The following KCNK12 variants were observed in gnomAD, a reference collection of about 807,000 sequenced individuals.
KCNK12 encodes potassium two pore domain channel subfamily K member 12, also known as potassium channel subfamily K member 12.
In KCNK12, 6 loss-of-function variants were observed where a neutral mutation model predicts 25.3. That is an observed-to-expected ratio of 0.24 (90% CI 0.13 to 0.47). KCNK12 has a LOEUF of 0.47. KCNK12 is among the 20% of genes least tolerant of loss of function. The pLI, the probability that KCNK12 is intolerant of heterozygous loss-of-function variation, is 0.99. For missense variants in KCNK12, 444 were observed against 661.7 expected (o/e 0.67, Z 3.61); for synonymous variants, 331 against 311.1 (o/e 1.06, Z -0.67).
At chr2:47,549,789 C>T (rs962116385) in intron 1 of KCNK12, among the ~76,000 whole-genome samples, 3 of 152,022 alleles carry the variant, frequency 2.0e-5, no homozygotes, top group African/African-American at 7.3e-5. Context: ...CAAAAATTAG[C>T]CAGGCGCAGT....
In KCNK12 at chr2:47,551,881, A is replaced by T. The variant is rs1203450169; in HGVS notation, c.391+18060T>A. Among the ~76,000 whole-genome samples, 1 of 152,214 alleles carries T rather than the reference A, an allele frequency of 6.6e-6. No individual in the cohort carries two copies. The highest frequency in any genetic ancestry group is 2.4e-5 in the African/African-American group (1 of 41,460). The stretch of plus-strand genomic sequence containing the variant: ...GGCATTACAGAGAAAGCCTGGAAAC[A>T]TTACAAGGGAGTAGAGCCAGGGCCT... On this transcript the variant is annotated intron_variant, in intron 1 of 1. Coordinates refer to ENST00000327876, the MANE Select transcript of KCNK12 (RefSeq NM_022055.2). The surrounding 1 kb of genome is among the most constrained non-coding windows in gnomAD (Gnocchi z 5.3).
rs1668758479 is a variant in KCNK12, at chr2:47,525,851, A to G, written c.392-4043T>C. Among the ~76,000 whole-genome samples, 1 of 152,092 alleles carries G rather than the reference A, an allele frequency of 6.6e-6. No homozygotes were observed. ...AGGACCCATAAATAGATGCCGTGAA[A>G]GCACATATGCCTGTTCTAACAGGGA... On this transcript the variant is annotated intron_variant, in intron 1 of 1. Transcript: ENST00000327876. This position sits in a 1 kb window ranked among gnomAD's most constrained non-coding sequence, Gnocchi z 4.1.
rs774455471 is a variant in KCNK12 at position 47,521,516 on chromosome 2, G to T, written c.684C>A (p.Ser228=). Residue 228 remains serine, a synonymous_variant, in exon 2 of 2, where the codon TCC becomes TCA. Coordinates refer to ENST00000327876, the MANE Select transcript of KCNK12 (RefSeq NM_022055.2). ...LILGLFAVLL[S]CCASAMYTSV... ...TGGTGTACATGGCCGAGGCGCAGCA[G>T]GACAGCAGCACGGCGAACAGGCCCA... is the stretch of plus-strand genomic sequence containing the variant. 1.3e-6 allele frequency: 2 copies of T among 1,584,424 alleles called. No homozygotes were observed. The highest frequency in any genetic ancestry group is 4.7e-5 in the East Asian group (2 of 42,996).
chr2:47,520,840 G>C lies in KCNK12; in HGVS notation c.*67C>G, dbSNP rs964543854. On this transcript the variant is annotated 3_prime_UTR_variant, in exon 2 of 2. Transcript: ENST00000327876. The surrounding 1 kb of genome is among the most constrained non-coding windows in gnomAD (Gnocchi z 5.0). ...TTAAGAAAGCGCCAGCAGTGACTGA[G>C]AGAAGCAAACCACGCCCGGCGGCCC... 7.3e-6 allele frequency: 8 copies of C among 1,098,410 alleles called. No homozygotes were observed. The African/African-American group carries it at 1.3e-4, about 18-fold the overall frequency. The allele number at this position is 1,098,410 out of a possible 1,614,324, so 68.0% of individuals were successfully genotyped here. A position where few individuals can be genotyped will look rare whatever the true frequency, so the allele number is the denominator to read the frequency against.
chr2:47,531,412 G>T (rs1668925029), intron 1 of KCNK12, among the ~76,000 whole-genome samples: 1 of 152,052 alleles, frequency 6.6e-6, no homozygotes, highest in Admixed American at 6.5e-5. Flanking sequence ...GGTCAAGGCT[G>T]CAGTGAGCCA....
chr2:47,569,882 G>C lies in KCNK12; in HGVS notation c.391+59C>G, dbSNP rs1284331264. On this transcript the variant is annotated intron_variant, in intron 1 of 1. Coordinates refer to ENST00000327876, the MANE Select transcript of KCNK12 (RefSeq NM_022055.2). This position sits in a 1 kb window ranked among gnomAD's most constrained non-coding sequence, Gnocchi z 4.1. ...ACGCGGACCGAGCGGCCGAGCAGTG[G>C]AAAGGGCGGCAGGTGAAAGGCACAG... 1.9e-5 allele frequency: 24 copies of C among 1,267,444 alleles called. No homozygotes were observed. Among genetic ancestry groups the C allele is most frequent in the Non-Finnish European group, 2.4e-5 (24 of 991,688 alleles). The allele number at this position is 1,267,444 out of a possible 1,614,324, so 78.5% of individuals were successfully genotyped here.
At position 47,570,253 on chromosome 2, in the gene KCNK12, A is replaced by G. The variant is rs544771897; in HGVS notation, c.79T>C (p.Cys27Arg). Reference protein sequence around the residue: ...LPRPSCCCCCCRRSHLNEDTG... With the variant: ...LPRPSCCCCCRRRSHLNEDTG... The stretch of plus-strand genomic sequence containing the variant: ...TCCTCGTTGAGGTGCGAACGGCGGC[A>G]GCAGCAGCAGCAGCAGGAGGGGCGC... Residue 27 changes from cysteine to arginine, a missense_variant, in exon 1 of 2, where the codon TGC becomes CGC. By Grantham distance (180) the Cys-to-Arg change is radical. Transcript: ENST00000327876. 51 of 1,392,560 alleles carry G rather than the reference A, an allele frequency of 3.7e-5. 1 individual carries two copies. The East Asian group carries it at 5.7e-4, about 15-fold the overall frequency. The allele number at this position is 1,392,560 out of a possible 1,614,324, so 86.3% of individuals were successfully genotyped here.
rs767679641 is a variant in KCNK12 at position 47,511,546 on chromosome 2, C to T, written c.*9361G>A. Among the ~76,000 whole-genome samples the T allele has an allele frequency of 2.0e-5, 3 of 152,146 alleles. No homozygotes were observed. The highest frequency in any genetic ancestry group is 4.8e-5 in the African/African-American group (2 of 41,430). On this transcript the variant is annotated 3_prime_UTR_variant, in exon 2 of 2. Coordinates refer to ENST00000327876, the MANE Select transcript of KCNK12 (RefSeq NM_022055.2). This position sits in a 1 kb window ranked among gnomAD's most constrained non-coding sequence, Gnocchi z 4.3. ...GATGCCCACAGTGCATGACGTTACC[C>T]GCACAGGTGTGACATCACAGGGTAA...
chr2:47,531,510 G>C (rs538642240), intron 1 of KCNK12, among the ~76,000 whole-genome samples: 1 of 151,834 alleles, frequency 6.6e-6, no homozygotes, highest in Non-Finnish European at 1.5e-5. Flanking sequence ...TCAAGAGATT[G>C]ACAGGGAGCA....
chr2:47,520,063 A>G lies in KCNK12; in HGVS notation c.*844T>C, dbSNP rs1048878213. ...ATATTCCTGGTTAATATTGAAAAGC[A>G]CTGCTGTGGATGAGCTTGTGAAAGA... On this transcript the variant is annotated 3_prime_UTR_variant, in exon 2 of 2. Transcript: ENST00000327876. This position sits in a 1 kb window ranked among gnomAD's most constrained non-coding sequence, Gnocchi z 5.0. 2.0e-5 allele frequency: 3 copies of G among 152,226 alleles called. No individual in the cohort carries two copies. The highest frequency in any genetic ancestry group is 3.2e-3 in the Middle Eastern group (1 of 316). The allele number at this position is 152,226 out of a possible 1,614,324, so 9.4% of individuals were successfully genotyped here. A position where few individuals can be genotyped will look rare whatever the true frequency, so the allele number is the denominator to read the frequency against.
At chr2:47,532,684 A>G (rs1301204354) in intron 1 of KCNK12, among the ~76,000 whole-genome samples, 3 of 152,244 alleles carry the variant, frequency 2.0e-5, no homozygotes, top group East Asian at 1.9e-4. Context: ...CCTGGGACTC[A>G]GGTTGACCCT....
chr2:47,530,223 G>A (rs1371691521), intron 1 of KCNK12, among the ~76,000 whole-genome samples: 2 of 152,196 alleles, frequency 1.3e-5, no homozygotes, highest in South Asian at 2.1e-4. Context: ...GATGGAGGGC[G>A]GGGCTGCCAA....
chr2:47,520,905 G>C lies in KCNK12; in HGVS notation c.*2C>G, dbSNP rs1157194210. The C allele has an allele frequency of 8.0e-7, 1 of 1,242,950 alleles. No homozygotes were observed. Among genetic ancestry groups the C allele is most frequent in the Non-Finnish European group, 1.0e-6 (1 of 993,270 alleles). 77.0% of individuals were successfully genotyped at this position (1,242,950 alleles called of 1,614,324 possible). A position where few individuals can be genotyped will look rare whatever the true frequency, so the allele number is the denominator to read the frequency against. ...GGTCCCCGGCGCGGGCGGACGGGCG[G>C]TCTACCTGGAGGCGCTGGTCTCGGC... On this transcript the variant is annotated 3_prime_UTR_variant, in exon 2 of 2. Coordinates refer to ENST00000327876, the MANE Select transcript of KCNK12 (RefSeq NM_022055.2). This position sits in a 1 kb window ranked among gnomAD's most constrained non-coding sequence, Gnocchi z 5.0.
Position 47,514,895 on chromosome 2 carries a change from A to T in KCNK12, c.*6012T>A, listed in dbSNP as rs146066825. Among the ~76,000 whole-genome samples the T allele has an allele frequency of 2.8e-3, 432 of 152,328 alleles. 2 individuals are homozygous for T. Among genetic ancestry groups the T allele is most frequent in the Non-Finnish European group, 4.8e-3 (329 of 68,030 alleles). ...CCAAAGTGCTGGGATTATAGACATGAGCCACCATGCCCAGCTAAAAGTTCC... is the reference window on the plus strand; with the variant it reads ...CCAAAGTGCTGGGATTATAGACATGTGCCACCATGCCCAGCTAAAAGTTCC... On this transcript the variant is annotated 3_prime_UTR_variant, in exon 2 of 2. Coordinates refer to ENST00000327876, the MANE Select transcript of KCNK12 (RefSeq NM_022055.2). The surrounding 1 kb of genome is among the most constrained non-coding windows in gnomAD (Gnocchi z 5.0).
intron 1 of KCNK12, among the ~76,000 whole-genome samples, chr2:47,568,901 C>G (rs1297022546): frequency 6.6e-6 from 1 of 152,144 alleles, no homozygotes; most frequent in Non-Finnish European, 1.5e-5. Context: ...TTCTGCTGCA[C>G]TCTATACAGG....
intron 1 of KCNK12, among the ~76,000 whole-genome samples, chr2:47,523,543 C>CA (rs1668706478): frequency 6.6e-6 from 1 of 152,226 alleles, no homozygotes. Flanking sequence ...GTGTCTTTAT[C>CA]AATTGATTTC....
intron 1 of KCNK12, among the ~76,000 whole-genome samples, chr2:47,531,651 G>T (rs928871889): frequency 1.5e-4 from 23 of 152,146 alleles, no homozygotes; most frequent in African/African-American, 4.8e-4. Flanking sequence ...CTGGCTGATG[G>T]AGCAGGGGAA....
At position 47,525,370 on chromosome 2, in the gene KCNK12, G is replaced by A. The variant is rs1668747101; in HGVS notation, c.392-3562C>T. On this transcript the variant is annotated intron_variant, in intron 1 of 1. Transcript: ENST00000327876. The surrounding 1 kb of genome is among the most constrained non-coding windows in gnomAD (Gnocchi z 4.1). Reference sequence around the variant, plus strand: ...AAGAGGACTTATGGAGTGTCAGCAAGAGCCCGGCAGCTCACTTCCTAGCTG... The same window carrying A: ...AAGAGGACTTATGGAGTGTCAGCAAAAGCCCGGCAGCTCACTTCCTAGCTG... Among the ~76,000 whole-genome samples, 1 of 152,208 alleles carries A rather than the reference G, an allele frequency of 6.6e-6. No homozygotes were observed. Among genetic ancestry groups the A allele is most frequent in the Non-Finnish European group, 1.5e-5 (1 of 68,024 alleles).
At chr2:47,552,308 G>A (rs966169951) in intron 1 of KCNK12, among the ~76,000 whole-genome samples, 9 of 152,074 alleles carry the variant, frequency 5.9e-5, no homozygotes, top group Admixed American at 3.9e-4. Flanking sequence ...AGCAATCTCC[G>A]AGCAGTGAGG....
Sources: allele counts gnomAD v4.1 joint callset (sites outside exome capture counted in the v4.1 genomes callset), GRCh38; gene constraint gnomAD v4.1.1; non-coding constraint Gnocchi (gnomAD v3.1); transcripts MANE v1.5; gene names NCBI Gene and HGNC (gene_info 2026-07-23, HGNC 2026-07-21).